Variants in ARHGAP17 observed in about 807,000 individuals in gnomAD.
ARHGAP17 encodes rho GTPase-activating protein 17.
In ARHGAP17, 57 loss-of-function variants were observed where a neutral mutation model predicts 99.5. The observed-to-expected ratio is 0.57, with a 90% CI of 0.46 to 0.71. The LOEUF (loss-of-function observed/expected upper bound fraction) is 0.71. Among genes scored for constraint, ARHGAP17 ranks in the 30% least tolerant of loss-of-function variants. The pLI, the probability that ARHGAP17 is intolerant of heterozygous loss-of-function variation, is 0.00. For synonymous variants in ARHGAP17, 417 were observed against 429.6 expected (o/e 0.97, Z 0.36); for missense variants, 1,000 against 1,122.4 (o/e 0.89, Z 1.56).
chr16:24,935,321 T>C, intron 18 of ARHGAP17, 149 bp downstream of exon 18: 1 of 1,028,574 alleles, frequency 9.7e-7, no homozygotes, highest in Non-Finnish European at 1.4e-6. Flanking sequence ...TTTAATGACT[T>C]TTCTCTTGAA....
chr16:24,975,897 G>C (rs1364137904), intron 3 of ARHGAP17, among the ~76,000 whole-genome samples: 1 of 152,198 alleles, frequency 6.6e-6, no homozygotes, highest in Non-Finnish European at 1.5e-5. Flanking sequence ...CTCTGAACAA[G>C]TGGACCTTGG....
At chr16:25,002,335 T>C (rs893425092) in intron 1 of ARHGAP17, among the ~76,000 whole-genome samples, 1 of 152,166 alleles carries the variant, frequency 6.6e-6, no homozygotes, top group Non-Finnish European at 1.5e-5. Flanking sequence ...TTCAATGTTC[T>C]TCCCAGTCAC....
At chr16:24,982,458 A>C (rs1295380882) in intron 1 of ARHGAP17, among the ~76,000 whole-genome samples, 1 of 152,216 alleles carries the variant, frequency 6.6e-6, no homozygotes, top group Non-Finnish European at 1.5e-5. Context: ...TAGAGATTAA[A>C]AGTGATCTAT....
At chr16:24,982,982 A>ATATATATATATATATATATT (rs2052728646) in intron 1 of ARHGAP17, among the ~76,000 whole-genome samples, 1 of 32,674 alleles carries the variant, frequency 3.1e-5, no homozygotes, top group South Asian at 1.3e-3. Context: ...ATATATATAT[A>ATATATATATATATATATATT]TATATATATA....
chr16:24,944,381 A>C (rs1340697139), intron 14 of ARHGAP17, among the ~76,000 whole-genome samples: 2 of 152,154 alleles, frequency 1.3e-5, no homozygotes, highest in Admixed American at 1.3e-4. Context: ...CACTGTGATA[A>C]CAACCACAGT....
At chr16:24,954,893 G>C (rs374150468) in intron 9 of ARHGAP17, 163 bp from the exon 10 acceptor site, 1 of 1,035,464 alleles carries the variant, frequency 9.7e-7, no homozygotes, top group South Asian at 1.7e-5. Flanking sequence ...CCATCTACTG[G>C]AGCAGCAAAC....
Position 24,954,917 on chromosome 16 carries a change from G to A in ARHGAP17, c.725-187C>T, listed in dbSNP as rs921070675. On this transcript the variant is annotated intron_variant, in intron 9 of 19. Coordinates refer to ENST00000289968, the MANE Select transcript of ARHGAP17 (RefSeq NM_001006634.3). ...GGAGCAGCAAACTATGGACCAGGCT[G>A]GGGCGGTTACTTGTGGAACAGAAGC... is the stretch of plus-strand genomic sequence containing the variant. 3.8e-6 allele frequency: 3 copies of A among 799,214 alleles called. No individual in the cohort carries two copies. In the African/African-American group the frequency reaches 5.3e-5, roughly 14 times the overall value. The allele number at this position is 799,214 out of a possible 1,614,324, so 49.5% of individuals were successfully genotyped here. A position where few individuals can be genotyped will look rare whatever the true frequency, so the allele number is the denominator to read the frequency against.
Position 24,968,179 on chromosome 16 carries a change from C to T in ARHGAP17, c.461+172G>A, listed in dbSNP as rs1407912832. Among the ~76,000 whole-genome samples, 3 of 152,190 alleles carry T rather than the reference C, an allele frequency of 2.0e-5. No homozygotes were observed. The East Asian group carries it at 5.8e-4, about 29-fold the overall frequency. ...AGAACAGGATGTTCTAACAACATCC[C>T]CACTGCCACGCTTGGGAGAACAAGG... On this transcript the variant is annotated intron_variant, in intron 6 of 19. Transcript: ENST00000289968.
chr16:24,948,580 C>T (rs2051541191), intron 13 of ARHGAP17, among the ~76,000 whole-genome samples: 1 of 152,086 alleles, frequency 6.6e-6, no homozygotes, highest in Non-Finnish European at 1.5e-5. Flanking sequence ...ACCATATACA[C>T]TGAATAGAGG....
chr16:24,965,591 T>A (rs764558679), intron 6 of ARHGAP17, among the ~76,000 whole-genome samples: 1 of 152,184 alleles, frequency 6.6e-6, no homozygotes, highest in Non-Finnish European at 1.5e-5. Context: ...CGTGACACAC[T>A]CCTCCACCAA....
intron 14 of ARHGAP17, among the ~76,000 whole-genome samples, chr16:24,946,517 G>T (rs1437217444): frequency 6.6e-6 from 1 of 150,696 alleles, no homozygotes; most frequent in African/African-American, 2.4e-5. Flanking sequence ...ACTTGATAAA[G>T]GGGGCAGAAT....
chr16:24,932,016 C>T (rs2051006710), intron 18 of ARHGAP17, among the ~76,000 whole-genome samples: 1 of 151,498 alleles, frequency 6.6e-6, no homozygotes, highest in Non-Finnish European at 1.5e-5. Context: ...ACTCATGAGG[C>T]TGAGGTGGGA....
At chr16:24,943,065 G>A (rs1461338018) in intron 15 of ARHGAP17, among the ~76,000 whole-genome samples, 1 of 152,190 alleles carries the variant, frequency 6.6e-6, no homozygotes, top group Non-Finnish European at 1.5e-5. Flanking sequence ...GTTGCTCTGG[G>A]GGAAGTAGGT....
chr16:24,960,151 A>C (rs2051941030), intron 7 of ARHGAP17, among the ~76,000 whole-genome samples, 172 bp from the exon 8 acceptor site: 1 of 152,266 alleles, frequency 6.6e-6, no homozygotes, highest in African/African-American at 2.4e-5. Context: ...GGCTTCTTAC[A>C]TGACTGACAA....
intron 1 of ARHGAP17, among the ~76,000 whole-genome samples, chr16:25,006,449 CA>C (rs1032093076): frequency 0.11 from 8,173 of 74,446 alleles, 240 homozygotes; most frequent in Middle Eastern, 0.21. Context: ...GACTCCGTCT[CA>C]AAAAAAAAAA....
At position 24,954,865 on chromosome 16, in the gene ARHGAP17, A is replaced by G. The variant is rs957336836; in HGVS notation, c.725-135T>C. 11 of 1,269,252 alleles carry G rather than the reference A, an allele frequency of 8.7e-6. No homozygotes were observed. In the South Asian group the frequency reaches 9.1e-5, roughly 11 times the overall value. The allele number at this position is 1,269,252 out of a possible 1,614,324, so 78.6% of individuals were successfully genotyped here. ...GTGCAAGAGGGGATACATCTGTTCT[A>G]TTTGCTTTTGTTATTTGCCATCTAC... On this transcript the variant is annotated intron_variant, in intron 9 of 19. Transcript: ENST00000289968.
At chr16:24,924,496 A>G (rs1950792099) in intron 19 of ARHGAP17, among the ~76,000 whole-genome samples, 1 of 150,668 alleles carries the variant, frequency 6.6e-6, no homozygotes, top group South Asian at 2.1e-4. Flanking sequence ...TCCAAGCAAT[A>G]TCCTCAAAGA....
chr16:24,935,872 A>G, intron 17 of ARHGAP17: 1 of 512,642 alleles, frequency 2.0e-6, no homozygotes, highest in South Asian at 2.0e-5. Flanking sequence ...AGGTCTTGCT[A>G]TGTTGCCCAG....
In ARHGAP17 at chr16:24,942,000, C is replaced by G. The variant is rs199705743; in HGVS notation, c.1477G>C (p.Val493Leu). The change falls in exon 16 of 20, where the codon GTG becomes CTG. Residue 493 changes from valine (V) to leucine (L), a missense_variant. Val to Leu is a conservative substitution (Grantham distance 32). Coordinates refer to ENST00000289968, the MANE Select transcript of ARHGAP17 (RefSeq NM_001006634.3). ...GTCAAATCATACCTTTCCTTCTTCACCAAGTCTCCTTCCATCACCGCCATG... is the reference window on the plus strand; with the variant it reads ...GTCAAATCATACCTTTCCTTCTTCAGCAAGTCTCCTTCCATCACCGCCATG... ...ASMAVMEGDL[V>L]KKESFGVKLM... The G allele has an allele frequency of 8.7e-6, 14 of 1,614,034 alleles. No homozygotes were observed. Among genetic ancestry groups the G allele is most frequent in the Non-Finnish European group, 1.2e-5 (14 of 1,179,922 alleles).
Sources: allele counts gnomAD v4.1 joint callset (sites outside exome capture counted in the v4.1 genomes callset), GRCh38; gene constraint gnomAD v4.1.1; transcripts MANE v1.5; gene names NCBI Gene and HGNC (gene_info 2026-07-23, HGNC 2026-07-21).